The following CMKLR2 variants were observed in gnomAD, a reference collection of about 807,000 sequenced individuals.
CMKLR2 encodes the protein chemerin-like receptor 2.
In CMKLR2, 18 loss-of-function variants were observed where a neutral mutation model predicts 23.0. The ratio of observed to expected loss-of-function variants is 0.78; its 90% CI spans 0.54 to 1.16. The LOEUF (loss-of-function observed/expected upper bound fraction) is 1.16, where lower values mean the gene tolerates loss of function less well. CMKLR2 is among the 50% of genes most tolerant of loss of function. The pLI, the probability that CMKLR2 is intolerant of heterozygous loss-of-function variation, is 0.00. For missense variants in CMKLR2, 401 were observed against 412.7 expected, an observed-to-expected ratio of 0.97 and a Z score of 0.25; for synonymous variants, 158 against 158.9, an observed-to-expected ratio of 0.99 and a Z score of 0.05.
intron 1 of CMKLR2, among the ~76,000 whole-genome samples, chr2:206,210,224 C>G (rs753313473): frequency 6.6e-6 from 1 of 151,888 alleles, no homozygotes; most frequent in Non-Finnish European, 1.5e-5. Flanking sequence ...GATTACAGGC[C>G]TAAGCCACCA....
chr2:206,199,752 C>T (rs1264616516), intron 1 of CMKLR2, among the ~76,000 whole-genome samples: 2 of 151,962 alleles, frequency 1.3e-5, no homozygotes, highest in Non-Finnish European at 2.9e-5. Context: ...CCCACCACCA[C>T]ACCTGGCTAA....
At chr2:206,212,855 A>G (rs1279388596) in intron 1 of CMKLR2, among the ~76,000 whole-genome samples, 1 of 152,206 alleles carries the variant, frequency 6.6e-6, no homozygotes, top group African/African-American at 2.4e-5. Context: ...TGTAATCTAA[A>G]GAGGGCAATA....
chr2:206,176,048 C>T lies in CMKLR2; in HGVS notation c.*132G>A, dbSNP rs562848886. On this transcript the variant is annotated 3_prime_UTR_variant, in exon 2 of 2. Coordinates refer to ENST00000621141, the MANE Select transcript of CMKLR2 (RefSeq NM_001389445.1). Reference sequence around the variant, plus strand: ...TCATATCCACACAAAAATGTGATGCCTATATAGTGACCAGAAACAATAACT... The same window carrying T: ...TCATATCCACACAAAAATGTGATGCTTATATAGTGACCAGAAACAATAACT... The T allele has an allele frequency of 1.4e-5, 9 of 651,954 alleles. No individual in the cohort carries two copies. The highest frequency in any genetic ancestry group is 3.9e-4 in the Middle Eastern group (1 of 2,562). The allele number at this position is 651,954 out of a possible 1,614,324, so 40.4% of individuals were successfully genotyped here.
chr2:206,176,812 G>A lies in CMKLR2; in HGVS notation c.436C>T (p.His146Tyr), dbSNP rs1466582146. ...YIHLIHPVLS[H>Y]RHRTLKNSLI... ...GAGTTCTTGAGGGTTCGATGCCGAT[G>A]AGATAAGACAGGATGGATCAAGTGG... The change falls in exon 2 of 2, where the codon CAT (histidine) becomes TAT (tyrosine). Residue 146 changes from histidine (H) to tyrosine (Y), a missense_variant. By Grantham distance (83) the His-to-Tyr change is moderately conservative (BLOSUM62 2). Coordinates refer to ENST00000621141, the MANE Select transcript of CMKLR2 (RefSeq NM_001389445.1). 3 of 1,614,038 alleles carry A rather than the reference G, an allele frequency of 1.9e-6. No individual in the cohort carries two copies. Among genetic ancestry groups the A allele is most frequent in the Admixed American group, 1.7e-5 (1 of 59,984 alleles).
At chr2:206,215,923 G>T (rs188345644), upstream of CMKLR2, among the ~76,000 whole-genome samples, 800 of 152,280 alleles carry the variant, frequency 5.3e-3, 8 homozygotes, top group African/African-American at 0.019. Context: ...GGCTCCAGAC[G>T]TTCTGACTTC....
intron 1 of CMKLR2, among the ~76,000 whole-genome samples, chr2:206,178,253 G>C (rs996422610): frequency 8.5e-5 from 13 of 152,162 alleles, no homozygotes; most frequent in African/African-American, 2.9e-4. Flanking sequence ...CAACAGAGCA[G>C]GACCCCACCT....
intron 1 of CMKLR2, chr2:206,203,373 C>G (rs1446517681): frequency 6.8e-6 from 1 of 146,584 alleles, no homozygotes; most frequent in African/African-American, 2.5e-5. Flanking sequence ...ACACCGGTGT[C>G]TTGCATTCAT....
chr2:206,199,040 G>GGA (rs1339959855), intron 1 of CMKLR2, among the ~76,000 whole-genome samples: 1 of 152,122 alleles, frequency 6.6e-6, no homozygotes, highest in African/African-American at 2.4e-5. Flanking sequence ...TAGAATGTAG[G>GGA]GAGAGAGAGA....
At chr2:206,212,230 G>A (rs1689596221) in intron 1 of CMKLR2, among the ~76,000 whole-genome samples, 1 of 152,112 alleles carries the variant, frequency 6.6e-6, no homozygotes, top group African/African-American at 2.4e-5. Context: ...AACAGAAAAT[G>A]TATGACCTTT....
At chr2:206,202,969 A>G (rs1689156019) in intron 1 of CMKLR2, among the ~76,000 whole-genome samples, 1 of 151,582 alleles carries the variant, frequency 6.6e-6, no homozygotes, top group Non-Finnish European at 1.5e-5. Context: ...CCTCCCTCCT[A>G]GATAACCCTG....
intron 1 of CMKLR2, among the ~76,000 whole-genome samples, chr2:206,198,141 G>A (rs1216524312): frequency 1.3e-5 from 2 of 152,128 alleles, no homozygotes; most frequent in Non-Finnish European, 2.9e-5. Context: ...TTGATATTTT[G>A]TTAATCATGG....
chr2:206,176,599 A>G lies in CMKLR2; in HGVS notation c.649T>C (p.Phe217Leu), dbSNP rs776720871. ...CAAATACTCATTGTTAGCAAAGGGA[A>G]GAGATAGCCAATGATAAATTTCACC... Reference protein sequence around the residue: ...TWVKFIIGYLFPLLTMSICYL... With the variant: ...TWVKFIIGYLLPLLTMSICYL... Residue 217 changes from phenylalanine to leucine, a missense_variant, in exon 2 of 2, where the codon TTC (phenylalanine) becomes CTC (leucine). By Grantham distance (22) the Phe-to-Leu change is conservative. Transcript: ENST00000621141. 8.7e-6 allele frequency: 14 copies of G among 1,614,056 alleles called. No individual in the cohort carries two copies. The highest frequency in any genetic ancestry group is 1.1e-5 in the Non-Finnish European group (13 of 1,180,008).
intron 1 of CMKLR2, among the ~76,000 whole-genome samples, chr2:206,202,883 C>A (rs1261343759): frequency 6.6e-6 from 1 of 152,092 alleles, no homozygotes; most frequent in Non-Finnish European, 1.5e-5. Flanking sequence ...CCCACTCCAG[C>A]GCGTTTCCTT....
intron 1 of CMKLR2, among the ~76,000 whole-genome samples, chr2:206,205,508 G>T (rs1451217544): frequency 6.6e-6 from 1 of 151,658 alleles, no homozygotes; most frequent in Non-Finnish European, 1.5e-5. Context: ...GACTACAGGT[G>T]CTCACCACCA....
At chr2:206,184,298 CTCTTTT>C (rs892441367) in intron 1 of CMKLR2, among the ~76,000 whole-genome samples, 2 of 140,484 alleles carry the variant, frequency 1.4e-5, no homozygotes, top group African/African-American at 5.2e-5. Context: ...CTCTCTCTCT[CTCTTTT>C]TTTTTTTTTT....
Position 206,189,593 on chromosome 2 carries a change from C to T in CMKLR2, c.-28-12318G>A, listed in dbSNP as rs146666856. 6.7e-3 allele frequency among the ~76,000 whole-genome samples: 1,017 copies of T among 151,486 alleles called. 16 individuals carry two copies. Among genetic ancestry groups the T allele is most frequent in the African/African-American group, 0.023 (961 of 41,250 alleles). ...GAGGTTGCAATGAGCAAAGATGGTGCCACTGCACTCCAGCCTGGGCAATAG... is the reference window on the plus strand; with the variant it reads ...GAGGTTGCAATGAGCAAAGATGGTGTCACTGCACTCCAGCCTGGGCAATAG... On this transcript the variant is annotated intron_variant, in intron 1 of 1. Coordinates refer to ENST00000621141, the MANE Select transcript of CMKLR2 (RefSeq NM_001389445.1).
chr2:206,188,000 C>T (rs150866373), intron 1 of CMKLR2, among the ~76,000 whole-genome samples: 1 of 152,266 alleles, frequency 6.6e-6, no homozygotes, highest in African/African-American at 2.4e-5. Context: ...CAGATTCAAG[C>T]AATTCTCACT....
intron 1 of CMKLR2, among the ~76,000 whole-genome samples, chr2:206,212,236 C>T (rs1182349744): frequency 2.6e-5 from 4 of 152,022 alleles, no homozygotes; most frequent in Non-Finnish European, 4.4e-5. Flanking sequence ...AAATGTATGA[C>T]CTTTTATAAA....
upstream of CMKLR2, among the ~76,000 whole-genome samples, chr2:206,215,729 T>G (rs1280496292): frequency 6.6e-6 from 1 of 152,232 alleles, no homozygotes; most frequent in East Asian, 1.9e-4. Context: ...GACTTGCAGT[T>G]GATCTGTTAT....
Sources: gnomAD v4.1 joint callset for allele counts (sites outside exome capture counted in the v4.1 genomes callset) on GRCh38, gnomAD v4.1.1 for gene constraint, MANE v1.5 for transcripts, NCBI Gene and HGNC (gene_info 2026-07-23, HGNC 2026-07-21) for gene names.